ADGRB3: variants seen among roughly 807,000 people sequenced by gnomAD.
ADGRB3 encodes brain-specific angiogenesis inhibitor 3.
ADGRB3 carries 37 observed loss-of-function variants against 193.4 expected under a neutral mutation model. That is an observed-to-expected ratio of 0.19 (90% confidence interval 0.15 to 0.25). The LOEUF is 0.25. ADGRB3 is among the 10% of genes least tolerant of loss of function. The pLI, the probability that ADGRB3 is intolerant of heterozygous loss-of-function variation, is 1.00. For missense variants in ADGRB3, 1,637 were observed against 1,852.9 expected, an observed-to-expected ratio of 0.88 and a Z score of 2.14; for synonymous variants, 690 against 644.2, an observed-to-expected ratio of 1.07 and a Z score of -1.08.
chr6:68,875,707 T>C (rs1470300799), intron 3 of ADGRB3, among the ~76,000 whole-genome samples: 2 of 152,146 alleles, frequency 1.3e-5, no homozygotes, highest in African/African-American at 4.8e-5. Flanking sequence ...AAATATCAAC[T>C]ATATTTACAA....
chr6:69,374,926 A>G (rs1389352161), intron 30 of ADGRB3, among the ~76,000 whole-genome samples: 4 of 152,238 alleles, frequency 2.6e-5, no homozygotes, highest in Non-Finnish European at 5.9e-5. Flanking sequence ...AGATAGCCAC[A>G]CTGAATTTCA....
chr6:69,174,619 A>G (rs1243689739), intron 17 of ADGRB3, among the ~76,000 whole-genome samples: 6 of 152,196 alleles, frequency 3.9e-5, no homozygotes, highest in African/African-American at 1.2e-4. Context: ...ATACCCCACA[A>G]TGGGATTGCT....
At chr6:68,907,895 C>T (rs10455677) in intron 3 of ADGRB3, among the ~76,000 whole-genome samples, 50,155 of 151,528 alleles carry the variant, frequency 0.33, 8,395 homozygotes, top group South Asian at 0.39. Flanking sequence ...CAAGAAAGAA[C>T]TTTAATATAA....
chr6:69,139,284 C>T (rs1364146898), intron 17 of ADGRB3, among the ~76,000 whole-genome samples: 1 of 152,200 alleles, frequency 6.6e-6, no homozygotes. Context: ...GACTTGTCCC[C>T]TCATGCACTT....
chr6:68,866,293 T>C (rs79810409), intron 3 of ADGRB3, among the ~76,000 whole-genome samples: 9 of 152,268 alleles, frequency 5.9e-5, no homozygotes, highest in Admixed American at 1.3e-4. Flanking sequence ...GATATGATGG[T>C]TCAAAAGTGT....
intron 20 of ADGRB3, among the ~76,000 whole-genome samples, chr6:69,319,265 T>C (rs1269108449): frequency 6.6e-6 from 1 of 151,224 alleles, no homozygotes; most frequent in East Asian, 1.9e-4. Context: ...AAAAGCTTTT[T>C]CCTCCAAAAG....
chr6:68,926,824 A>G (rs922667653), intron 3 of ADGRB3, among the ~76,000 whole-genome samples: 5 of 150,342 alleles, frequency 3.3e-5, no homozygotes, highest in African/African-American at 1.3e-4. Context: ...TTTATAACTG[A>G]TAATTGACTA....
intron 3 of ADGRB3, among the ~76,000 whole-genome samples, chr6:68,723,258 C>T (rs1238030330): frequency 6.6e-6 from 1 of 151,680 alleles, no homozygotes; most frequent in Non-Finnish European, 1.5e-5. Flanking sequence ...CTATGCTTTT[C>T]TCTTTTATCT....
intron 13 of ADGRB3, among the ~76,000 whole-genome samples, chr6:69,033,559 C>T (rs1437340849): frequency 6.6e-6 from 1 of 152,036 alleles, no homozygotes; most frequent in African/African-American, 2.4e-5. Flanking sequence ...ATATGAACAG[C>T]TTTAACTTTA....
intron 3 of ADGRB3, among the ~76,000 whole-genome samples, chr6:68,898,925 A>AT (rs1466151736): frequency 6.6e-6 from 1 of 152,190 alleles, no homozygotes; most frequent in Non-Finnish European, 1.5e-5. Flanking sequence ...TCACAACAAG[A>AT]TTTAGAAGAC....
chr6:68,713,451 G>C (rs1203949228), intron 3 of ADGRB3, among the ~76,000 whole-genome samples: 2 of 151,574 alleles, frequency 1.3e-5, no homozygotes, highest in Non-Finnish European at 3.0e-5. Flanking sequence ...GAACCATTCT[G>C]TCCACTAGAA....
chr6:69,203,044 G>T (rs572015823), intron 17 of ADGRB3, among the ~76,000 whole-genome samples: 43 of 152,104 alleles, frequency 2.8e-4, no homozygotes, highest in African/African-American at 9.9e-4. Context: ...TAGTAGTCAT[G>T]GTAACATAAC....
chr6:69,228,916 T>G (rs983300983), intron 17 of ADGRB3, among the ~76,000 whole-genome samples: 3 of 152,182 alleles, frequency 2.0e-5, no homozygotes, highest in Non-Finnish European at 4.4e-5. Context: ...AACTAAGTGT[T>G]TGGAAAAGAT....
At chr6:68,855,262 T>A (rs1176440710) in intron 3 of ADGRB3, among the ~76,000 whole-genome samples, 1 of 152,214 alleles carries the variant, frequency 6.6e-6, no homozygotes, top group Non-Finnish European at 1.5e-5. Flanking sequence ...ATAAAAACTC[T>A]GATGTTGAAT....
chr6:69,198,512 A>G (rs1490252936), intron 17 of ADGRB3, among the ~76,000 whole-genome samples: 1 of 152,066 alleles, frequency 6.6e-6, no homozygotes, highest in Non-Finnish European at 1.5e-5. Context: ...CTCAGAAGTG[A>G]TATTTGAGCA....
At chr6:68,984,981 A>G (rs1562110833) in intron 10 of ADGRB3, among the ~76,000 whole-genome samples, 1 of 152,048 alleles carries the variant, frequency 6.6e-6, no homozygotes, top group Non-Finnish European at 1.5e-5. Context: ...TCTTTCCAAG[A>G]GAGATGAAAA....
At chr6:69,228,657 A>C (rs924612988) in intron 17 of ADGRB3, among the ~76,000 whole-genome samples, 1 of 152,216 alleles carries the variant, frequency 6.6e-6, no homozygotes, top group Non-Finnish European at 1.5e-5. Flanking sequence ...TATCCAAGTG[A>C]ATGAAGTGCA....
chr6:69,293,968 G>A (rs1415117177), intron 20 of ADGRB3, among the ~76,000 whole-genome samples: 17 of 152,026 alleles, frequency 1.1e-4, no homozygotes, highest in Admixed American at 9.2e-4. Context: ...CCAGGGGGGA[G>A]GGTAGCACAA....
At chr6:69,280,065 G>C (rs909695275) in intron 20 of ADGRB3, among the ~76,000 whole-genome samples, 20 of 152,160 alleles carry the variant, frequency 1.3e-4, no homozygotes, top group African/African-American at 4.8e-4. Context: ...TTCCTCAAAA[G>C]AGAGCTGACA....
Sources: gnomAD v4.1 joint callset for allele counts (sites outside exome capture counted in the v4.1 genomes callset) on GRCh38, gnomAD v4.1.1 for gene constraint, MANE v1.5 for transcripts, NCBI Gene and HGNC (gene_info 2026-07-23, HGNC 2026-07-21) for gene names.